Variants in TNKS observed in about 807,000 individuals in gnomAD.
The protein encoded by TNKS is tankyrase.
Under a neutral mutation model 135.8 loss-of-function variants are expected in TNKS, and 72 were observed. The observed-to-expected ratio is 0.53, with a 90% CI of 0.44 to 0.64. TNKS has a LOEUF of 0.64. TNKS is among the 30% of genes least tolerant of loss of function. The pLI, the probability that TNKS is intolerant of heterozygous loss-of-function variation, is 0.00. For missense variants in TNKS, 1,769 were observed against 1,674.0 expected (o/e 1.06, Z -0.99); for synonymous variants, 849 against 649.3 (o/e 1.31, Z -4.68).
At chr8:9,690,971 G>A (rs946986854) in intron 5 of TNKS, among the ~76,000 whole-genome samples, 2 of 152,106 alleles carry the variant, frequency 1.3e-5, no homozygotes, top group South Asian at 2.1e-4. Context: ...TAGAACCTTC[G>A]CTATGACAGC....
chr8:9,699,524 T>C (rs1803696132), intron 5 of TNKS, among the ~76,000 whole-genome samples: 1 of 152,238 alleles, frequency 6.6e-6, no homozygotes. Flanking sequence ...ATTTATTGCA[T>C]GCATTTTATT....
At chr8:9,652,412 T>C (rs1003714795) in intron 3 of TNKS, among the ~76,000 whole-genome samples, 28 of 152,374 alleles carry the variant, frequency 1.8e-4, no homozygotes, top group African/African-American at 5.8e-4. Flanking sequence ...TGTCTTTTTT[T>C]AGCCACTGTT....
intron 5 of TNKS, among the ~76,000 whole-genome samples, chr8:9,703,085 C>G (rs1253876852): frequency 1.3e-5 from 2 of 152,118 alleles, no homozygotes; most frequent in Non-Finnish European, 2.9e-5. Flanking sequence ...GTAGTTTTCC[C>G]TTATCCTCGG....
In TNKS at chr8:9,644,054, G is replaced by A. The variant is rs145072737; in HGVS notation, c.994+28377G>A. Among the ~76,000 whole-genome samples, 11 of 152,300 alleles carry A rather than the reference G, an allele frequency of 7.2e-5. No individual in the cohort carries two copies. In the East Asian group the frequency reaches 2.1e-3, roughly 29 times the overall value. On this transcript the variant is annotated intron_variant, in intron 3 of 26. Transcript: ENST00000310430. ...AGATAATGTGGATTCCACTTATGGA[G>A]TTACTTAGAATAGCCAAACTCAGAG...
intron 3 of TNKS, among the ~76,000 whole-genome samples, chr8:9,667,655 T>G (rs1468958882): frequency 6.6e-6 from 1 of 152,230 alleles, no homozygotes; most frequent in African/African-American, 2.4e-5. Flanking sequence ...CTCAGAAAGA[T>G]GTAGTGAGTG....
At chr8:9,649,623 CCTCT>C (rs946932797) in intron 3 of TNKS, among the ~76,000 whole-genome samples, 17 of 151,284 alleles carry the variant, frequency 1.1e-4, no homozygotes, top group African/African-American at 3.9e-4. Context: ...CCCTCATCCC[CCTCT>C]CACCCTTCCC....
chr8:9,672,675 A>C lies in TNKS; in HGVS notation c.995-7276A>C, dbSNP rs1361349068. On this transcript the variant is annotated intron_variant, in intron 3 of 26. Transcript: ENST00000310430. ...ATGGTAAAAAAAAAAAAAAAAAAAA[A>C]ACACATACACACACACACACACACA... Among the ~76,000 whole-genome samples, 91 of 121,638 alleles carry C rather than the reference A, an allele frequency of 7.5e-4. No individual in the cohort carries two copies. In the Middle Eastern group the frequency reaches 0.012, roughly 17 times the overall value. 79.8% of individuals were successfully genotyped at this position (121,638 alleles called of 152,430 possible). A position where few individuals can be genotyped will look rare whatever the true frequency, so the allele number is the denominator to read the frequency against.
At chr8:9,644,526 C>G (rs1800842379) in intron 3 of TNKS, among the ~76,000 whole-genome samples, 1 of 152,114 alleles carries the variant, frequency 6.6e-6, no homozygotes, top group Non-Finnish European at 1.5e-5. Context: ...AGAACTTTTT[C>G]TTATCAAGTG....
chr8:9,617,911 T>G (rs1433258578), intron 3 of TNKS, among the ~76,000 whole-genome samples: 1 of 152,172 alleles, frequency 6.6e-6, no homozygotes, highest in Non-Finnish European at 1.5e-5. Context: ...CTTTTGTGCA[T>G]TAGTCTAAAC....
At chr8:9,676,673 C>CCT (rs970130671) in intron 3 of TNKS, among the ~76,000 whole-genome samples, 8 of 123,948 alleles carry the variant, frequency 6.5e-5, no homozygotes, top group South Asian at 3.1e-4. Context: ...CGTATTTCTC[C>CCT]CTCTCTCTCT....
intron 22 of TNKS, 27 bp from the exon 23 acceptor site, chr8:9,764,689 T>C (rs1807330322): frequency 1.3e-6 from 2 of 1,566,070 alleles, no homozygotes; most frequent in Non-Finnish European, 1.7e-6. Flanking sequence ...GGGATGTTTT[T>C]ATAAAATTAG....
chr8:9,623,789 G>A (rs975952262), intron 3 of TNKS, among the ~76,000 whole-genome samples: 4 of 152,082 alleles, frequency 2.6e-5, no homozygotes, highest in African/African-American at 9.7e-5. Flanking sequence ...ATCACTTGAG[G>A]CCAGGAGTTC....
At chr8:9,657,416 G>A (rs1585287411) in intron 3 of TNKS, among the ~76,000 whole-genome samples, 6 of 92,492 alleles carry the variant, frequency 6.5e-5, no homozygotes, top group East Asian at 3.8e-4. Flanking sequence ...GCGGCTGGCC[G>A]GGCGGAGGGC....
chr8:9,733,552 G>A (rs36091112), intron 15 of TNKS, 108 bp downstream of exon 15: 5 of 865,306 alleles, frequency 5.8e-6, no homozygotes, highest in Non-Finnish European at 8.8e-6. Flanking sequence ...TACTGCTGTA[G>A]AGACTGCTCT....
chr8:9,718,695 C>T lies in TNKS; in HGVS notation c.1750-1679C>T, dbSNP rs184539544. ...CAAGGAAAAGTGGGAATATGTTTTA[C>T]CTCTAAAACTGCCAGACATCTATTA... On this transcript the variant is annotated intron_variant, in intron 11 of 26. Transcript: ENST00000310430. 2.0e-5 allele frequency among the ~76,000 whole-genome samples: 3 copies of T among 152,254 alleles called. No homozygotes were observed. The East Asian group carries it at 5.8e-4, about 29-fold the overall frequency.
At chr8:9,642,136 A>G (rs1800752901) in intron 3 of TNKS, among the ~76,000 whole-genome samples, 1 of 145,752 alleles carries the variant, frequency 6.9e-6, no homozygotes, top group Admixed American at 7.2e-5. Context: ...TTTTGTACCA[A>G]CTGCAAACCG....
intron 26 of TNKS, among the ~76,000 whole-genome samples, chr8:9,773,572 AAAT>A (rs1289739983): frequency 3.9e-5 from 6 of 152,186 alleles, no homozygotes; most frequent in Non-Finnish European, 8.8e-5. Context: ...GGGTACAAAG[AAAT>A]AATAAGGAAT....
chr8:9,583,759 T>C (rs181478506), intron 2 of TNKS, among the ~76,000 whole-genome samples: 157 of 152,130 alleles, frequency 1.0e-3, no homozygotes, highest in African/African-American at 2.8e-3. Flanking sequence ...AGTCCTGGGA[T>C]TGTAGGCGTG....
intron 3 of TNKS, among the ~76,000 whole-genome samples, chr8:9,639,858 A>G (rs1179961498): frequency 6.6e-6 from 1 of 152,218 alleles, no homozygotes. Context: ...TTTAAAACAC[A>G]TATATTTCTA....
Sources: gnomAD v4.1 joint callset for allele counts (sites outside exome capture counted in the v4.1 genomes callset) on GRCh38, gnomAD v4.1.1 for gene constraint, MANE v1.5 for transcripts, NCBI Gene and HGNC (gene_info 2026-07-23, HGNC 2026-07-21) for gene names.